N4BP2L2: variants seen among roughly 807,000 people sequenced by gnomAD.
N4BP2L2 encodes the protein NEDD4 binding protein 2 like 2.
N4BP2L2 carries 50 observed loss-of-function variants against 56.2 expected under a neutral mutation model. The ratio of observed to expected loss-of-function variants is 0.89; its 90% CI spans 0.71 to 1.13. The LOEUF (loss-of-function observed/expected upper bound fraction) is 1.13, where lower values mean the gene tolerates loss of function less well. Ranked by LOEUF, N4BP2L2 falls within the 50% of genes most tolerant of loss-of-function variation. The pLI is 0.00. For missense variants in N4BP2L2, 689 were observed against 693.8 expected, an observed-to-expected ratio of 0.99 and a Z score of 0.08; for synonymous variants, 203 against 223.6, an observed-to-expected ratio of 0.91 and a Z score of 0.82.
chr13:32,455,179 C>G (rs1210121942), intron 6 of N4BP2L2, among the ~76,000 whole-genome samples: 1 of 152,222 alleles, frequency 6.6e-6, no homozygotes, highest in Admixed American at 6.5e-5. Context: ...CCCCCCACAT[C>G]TATCCAGAGG....
intron 1 of N4BP2L2, among the ~76,000 whole-genome samples, chr13:32,537,337 T>C (rs2056811665): frequency 6.6e-6 from 1 of 152,094 alleles, no homozygotes; most frequent in East Asian, 1.9e-4. Context: ...GATTTAAGTA[T>C]GTCTGTAAAG....
intron 6 of N4BP2L2, chr13:32,480,604 T>C (rs1257123931): frequency 7.8e-7 from 1 of 1,286,628 alleles, no homozygotes; most frequent in Admixed American, 2.3e-5. Context: ...GTTGCTGTCT[T>C]ACTAGGAAAC....
exon 2 of N4BP2L2, chr13:32,536,480 T>C (rs1566198428): frequency 5.0e-6 from 8 of 1,612,746 alleles, no homozygotes; most frequent in Non-Finnish European, 6.8e-6. Flanking sequence ...TTTTTCCTTT[T>C]CAAGCTCTTC....
At chr13:32,490,587 G>A (rs370045406) in intron 6 of N4BP2L2, among the ~76,000 whole-genome samples, 14 of 152,220 alleles carry the variant, frequency 9.2e-5, no homozygotes, top group African/African-American at 2.9e-4. Flanking sequence ...TTACAGGCGT[G>A]AGCCACTGCG....
intron 3 of N4BP2L2, chr13:32,525,710 T>G (rs1404738996): frequency 6.6e-6 from 1 of 152,156 alleles, no homozygotes; most frequent in Non-Finnish European, 1.5e-5. Flanking sequence ...CCTTACTGTA[T>G]TTGACAATTA....
chr13:32,463,651 A>G (rs1276603184), intron 6 of N4BP2L2, among the ~76,000 whole-genome samples: 5 of 142,894 alleles, frequency 3.5e-5, no homozygotes, highest in African/African-American at 5.3e-5. Context: ...GCAACAGAGC[A>G]AGACTTGGTC....
intron 6 of N4BP2L2, among the ~76,000 whole-genome samples, chr13:32,476,983 T>C (rs144674714): frequency 0.011 from 1,622 of 152,252 alleles, 28 homozygotes; most frequent in South Asian, 0.011. Context: ...GTGATGCTAC[T>C]TGAAGGAAAT....
downstream of N4BP2L2, chr13:32,505,601 T>A (rs1275469067): frequency 6.6e-6 from 1 of 152,230 alleles, no homozygotes; most frequent in Non-Finnish European, 1.5e-5. Flanking sequence ...AAATCTCAGC[T>A]AAACATTCAA....
At chr13:32,515,734 A>G (rs2049059286) in exon 6 of N4BP2L2, 1 of 152,092 alleles carries the variant, frequency 6.6e-6, no homozygotes. Context: ...AGTTATTTTA[A>G]AAAAACTAAT....
intron 6 of N4BP2L2, among the ~76,000 whole-genome samples, chr13:32,453,871 AACACAACT>A (rs1468501829): frequency 1.3e-5 from 2 of 152,200 alleles, no homozygotes; most frequent in Non-Finnish European, 2.9e-5. Flanking sequence ...TCCTAGGACA[AACACAACT>A]ACCCAGTGTA....
Position 32,517,429 on chromosome 13 carries a change from G to A in N4BP2L2, c.*373C>T, listed in dbSNP as rs145115456. Reference sequence around the variant, plus strand: ...TATTTAAGGTAGTGAAGGAAAAACCGTAAAGTTTTATGAAAAGTTAGATTT... The same window carrying A: ...TATTTAAGGTAGTGAAGGAAAAACCATAAAGTTTTATGAAAAGTTAGATTT... On this transcript the variant is annotated 3_prime_UTR_variant, in exon 6 of 6. Coordinates refer to ENST00000267068, the Ensembl canonical transcript of N4BP2L2. The A allele has an allele frequency of 2.0e-4, 203 of 997,262 alleles. 1 individual carries two copies. In the East Asian group the frequency reaches 0.016, roughly 78 times the overall value. 61.8% of individuals were successfully genotyped at this position (997,262 alleles called of 1,614,324 possible). A position where few individuals can be genotyped will look rare whatever the true frequency, so the allele number is the denominator to read the frequency against.
chr13:32,519,864 T>C (rs949225724), intron 5 of N4BP2L2, among the ~76,000 whole-genome samples: 1 of 152,128 alleles, frequency 6.6e-6, no homozygotes, highest in African/African-American at 2.4e-5. Flanking sequence ...ATTAAGAAAA[T>C]AATAAATTTT....
At chr13:32,480,459 C>T in intron 6 of N4BP2L2, 1 of 381,120 alleles carries the variant, frequency 2.6e-6, no homozygotes, top group Non-Finnish European at 4.7e-6. Flanking sequence ...AACTCAAGCA[C>T]TTACTAGTTA....
At chr13:32,483,905 A>G (rs550279747) in intron 6 of N4BP2L2, among the ~76,000 whole-genome samples, 206 of 150,210 alleles carry the variant, frequency 1.4e-3, no homozygotes, top group African/African-American at 4.7e-3. Context: ...AATCGCTTGA[A>G]CCCTGGAGGC....
chr13:32,526,833 T>TG (rs1295913631), intron 3 of N4BP2L2: 8 of 143,112 alleles, frequency 5.6e-5, no homozygotes, highest in East Asian at 2.0e-4. Context: ...TTTTTTTTTT[T>TG]TTTTTTTTTT....
At chr13:32,508,088 A>T (rs1045774204), downstream of N4BP2L2, 1 of 152,190 alleles carries the variant, frequency 6.6e-6, no homozygotes, top group Non-Finnish European at 1.5e-5. Flanking sequence ...AAACTGATCA[A>T]AAGTTAAATG....
chr13:32,514,006 T>C (rs555720119), exon 6 of N4BP2L2: 2 of 152,180 alleles, frequency 1.3e-5, no homozygotes, highest in Non-Finnish European at 2.9e-5. Flanking sequence ...AAACATTTCA[T>C]ATCCTCTTAA....
At position 32,443,411 on chromosome 13, in the gene N4BP2L2, G is replaced by A; in HGVS notation, c.1081C>T (p.Gln361Ter). The A allele has an allele frequency of 1.2e-6, 2 of 1,614,042 alleles. No individual in the cohort carries two copies. The highest frequency in any genetic ancestry group is 1.7e-6 in the Non-Finnish European group (2 of 1,179,902). The change falls in exon 7 of 10, where the codon CAG (glutamine) becomes TAG (stop). Residue 361 changes from glutamine to a stop codon, truncating the protein, a stop_gained. Coordinates refer to the N4BP2L2 transcript ENST00000357505. LOFTEE classifies it high-confidence loss of function. ...TAGGGCTGTCTGTCAGAGCCCAGCTGTAAATCTTCATCAGATAAATTGGTT... is the reference window on the plus strand; with the variant it reads ...TAGGGCTGTCTGTCAGAGCCCAGCTATAAATCTTCATCAGATAAATTGGTT...
intron 6 of N4BP2L2, among the ~76,000 whole-genome samples, chr13:32,487,370 G>A (rs1382200406): frequency 1.3e-5 from 2 of 151,644 alleles, no homozygotes; most frequent in Non-Finnish European, 2.9e-5. Context: ...CAGCTATTTG[G>A]GAGGCAGAGG....
Sources: allele counts gnomAD v4.1 joint callset (sites outside exome capture counted in the v4.1 genomes callset), GRCh38; gene constraint gnomAD v4.1.1; transcripts MANE v1.5; gene names NCBI Gene and HGNC (gene_info 2026-07-23, HGNC 2026-07-21).